Variants in CCL23 observed in about 807,000 individuals in gnomAD.
The protein encoded by CCL23 is C-C motif chemokine ligand 23, also known as C-C motif chemokine 23.
Under a neutral mutation model 11.8 loss-of-function variants are expected in CCL23, and 10 were observed. The observed-to-expected ratio is 0.84, with a 90% confidence interval of 0.52 to 1.43. CCL23 has a LOEUF of 1.43. Ranked by LOEUF, CCL23 falls within the 40% of genes most tolerant of loss-of-function variation. CCL23 has a pLI of 0.00. For synonymous variants in CCL23, 60 were observed against 61.0 expected (o/e 0.98, Z 0.07); for missense variants, 181 against 170.9 (o/e 1.06, Z -0.33).
At chr17:36,017,620 T>A (rs182128248) in intron 1 of CCL23, among the ~76,000 whole-genome samples, 1 of 152,224 alleles carries the variant, frequency 6.6e-6, no homozygotes, top group African/African-American at 2.4e-5. Flanking sequence ...TGGCCCCACA[T>A]TGGACCAGCC....
intron 3 of CCL23, 113 bp from the exon 4 acceptor site, chr17:36,013,421 T>C: frequency 1.5e-6 from 1 of 681,460 alleles, no homozygotes; most frequent in Non-Finnish European, 2.5e-6. Context: ...CCAGTTTTTT[T>C]TTCTTTTTTT....
chr17:36,013,631 C>T, intron 3 of CCL23, 113 bp downstream of exon 3: 1 of 1,014,336 alleles, frequency 9.9e-7, no homozygotes, highest in East Asian at 2.4e-5. Context: ...CTGCCCCATA[C>T]CTGGCAGGAT....
Position 36,014,331 on chromosome 17 carries a change from T to TA in CCL23, c.136+2dup, listed in dbSNP as rs2090081657. 1.2e-6 allele frequency: 2 copies of TA among 1,604,446 alleles called. No individual in the cohort carries two copies. Among genetic ancestry groups the TA allele is most frequent in the Non-Finnish European group, 1.7e-6 (2 of 1,171,060 alleles). ...TAAATATATGCCGTATCTGATCACTTACTGTCCAGAAGTACTGGATTTTCC... is the reference window on the plus strand; with the variant it reads ...TAAATATATGCCGTATCTGATCACTTAACTGTCCAGAAGTACTGGATTTTCC... On this transcript the variant is annotated splice_region_variant and intron_variant, in intron 2 of 3. Coordinates refer to ENST00000615050, the MANE Select transcript of CCL23 (RefSeq NM_005064.6).
At chr17:36,016,414 A>G (rs926764048) in intron 1 of CCL23, among the ~76,000 whole-genome samples, 1 of 152,120 alleles carries the variant, frequency 6.6e-6, no homozygotes, top group Non-Finnish European at 1.5e-5. Flanking sequence ...ACGAGTGAGA[A>G]CATGTGGTGT....
intron 1 of CCL23, among the ~76,000 whole-genome samples, chr17:36,017,383 G>A (rs1435535413): frequency 2.0e-5 from 3 of 152,098 alleles, no homozygotes; most frequent in African/African-American, 7.2e-5. Context: ...AAAATACGAT[G>A]GTTAGGTGAC....
chr17:36,013,148 G>T lies in CCL23; in HGVS notation c.*49C>A. The T allele has an allele frequency of 9.3e-7, 1 of 1,070,094 alleles. No homozygotes were observed. The highest frequency in any genetic ancestry group is 1.5e-6 in the Non-Finnish European group (1 of 683,090). 66.3% of individuals were successfully genotyped at this position (1,070,094 alleles called of 1,614,324 possible). A position where few individuals can be genotyped will look rare whatever the true frequency, so the allele number is the denominator to read the frequency against. On this transcript the variant is annotated 3_prime_UTR_variant, in exon 4 of 4. Coordinates refer to ENST00000615050, the MANE Select transcript of CCL23 (RefSeq NM_005064.6). ...AAAAATAATTCAGGAAGGTAGTTGAGGCAAGAAAGTTGGTGGCTGGCAACT... is the reference window on the plus strand; with the variant it reads ...AAAAATAATTCAGGAAGGTAGTTGATGCAAGAAAGTTGGTGGCTGGCAACT...
At chr17:36,017,245 A>G (rs2090104612) in intron 1 of CCL23, among the ~76,000 whole-genome samples, 1 of 152,158 alleles carries the variant, frequency 6.6e-6, no homozygotes, top group Non-Finnish European at 1.5e-5. Flanking sequence ...AAAAATTTGC[A>G]TTTTTTAAAA....
At position 36,017,881 on chromosome 17, in the gene CCL23, GCCA is replaced by G; in HGVS notation, c.14_16del (p.Val5del). ...AACAAGCATGAGGCAGGAGAGGGCA[GCCA>G]CGGAGACCTTCATCCTCCTGGTGGG... On this transcript the variant is annotated inframe_deletion, in exon 1 of 4. Transcript: ENST00000615050. The G allele has an allele frequency of 1.2e-6, 2 of 1,613,958 alleles. No individual in the cohort carries two copies. The highest frequency in any genetic ancestry group is 1.7e-6 in the Non-Finnish European group (2 of 1,180,006).
chr17:36,013,464 T>C (rs371389585), intron 3 of CCL23, among the ~76,000 whole-genome samples, 156 bp from the exon 4 acceptor site: 4 of 152,074 alleles, frequency 2.6e-5, no homozygotes, highest in African/African-American at 7.2e-5. Flanking sequence ...CTCAGGGCCA[T>C]TGTGCTCTTG....
At chr17:36,016,010 C>T (rs529948637) in intron 1 of CCL23, among the ~76,000 whole-genome samples, 1 of 151,886 alleles carries the variant, frequency 6.6e-6, no homozygotes, top group East Asian at 1.9e-4. Context: ...TGCCACTGTA[C>T]TCCAGCCTGG....
At chr17:36,015,874 T>TA (rs200601937) in intron 1 of CCL23, among the ~76,000 whole-genome samples, 382 of 143,632 alleles carry the variant, frequency 2.7e-3, no homozygotes, top group Middle Eastern at 0.014. Flanking sequence ...CCGTCTCTAC[T>TA]AAAAAAAAAA....
chr17:36,014,175 G>C (rs1408380439), intron 2 of CCL23, among the ~76,000 whole-genome samples, 159 bp downstream of exon 2: 1 of 142,216 alleles, frequency 7.0e-6, no homozygotes, highest in African/African-American at 2.9e-5. Context: ...CATCTATGGA[G>C]GGGGTTCCCA....
At chr17:36,014,451 A>G in intron 1 of CCL23, 58 bp from the exon 2 acceptor site, 1 of 1,339,806 alleles carries the variant, frequency 7.5e-7, no homozygotes, top group Non-Finnish European at 1.1e-6. Flanking sequence ...TTGTTTCAGC[A>G]TCTCCACCCA....
chr17:36,013,754 G>C lies in CCL23; in HGVS notation c.292C>G (p.Pro98Ala). ...YFETNSECSK[P>A]GVIFLTKKGR... is the part of the protein sequence containing the mutation. ...GAGCTTGGCACCTACATGACACCCG[G>C]CTTGGAGCACTCGCTGTTCGTTTCA... The change falls in exon 3 of 4, where the codon CCG (proline) becomes GCG (alanine). Residue 98 changes from proline to alanine, a missense_variant. By Grantham distance (27) the Pro-to-Ala change is conservative. Transcript: ENST00000615050. 1.2e-6 allele frequency: 2 copies of C among 1,614,120 alleles called. No individual in the cohort carries two copies. Among genetic ancestry groups the C allele is most frequent in the Non-Finnish European group, 1.7e-6 (2 of 1,180,000 alleles).
intron 1 of CCL23, among the ~76,000 whole-genome samples, chr17:36,015,408 G>A (rs148818643): frequency 2.6e-3 from 390 of 152,162 alleles, no homozygotes; most frequent in African/African-American, 9.1e-3. Context: ...CTTTTGATGG[G>A]CACTTAGTTT....
intron 1 of CCL23, among the ~76,000 whole-genome samples, chr17:36,016,727 T>C (rs1373961709): frequency 6.7e-6 from 1 of 149,370 alleles, no homozygotes; most frequent in Non-Finnish European, 1.5e-5. Context: ...CTATATTAAA[T>C]ATCTTTTAAT....
At position 36,013,864 on chromosome 17, in the gene CCL23, G is replaced by A; in HGVS notation, c.182C>T (p.Ala61Val). 6.2e-7 allele frequency: 1 copy of A among 1,614,158 alleles called. No individual in the cohort carries two copies. The highest frequency in any genetic ancestry group is 8.5e-7 in the Non-Finnish European group (1 of 1,179,974). The stretch of plus-strand genomic sequence containing the variant: ...AGCACTAGTAGCATGGAATCCTGCA[G>A]CATGAGAAAGGGTCATCTGAGGACC... ...KIGPQMTLSH[A>V]AGFHATSADC... Residue 61 changes from alanine to valine, a missense_variant, in exon 3 of 4, where the codon GCT becomes GTT. Ala to Val is a moderately conservative substitution (Grantham distance 64, BLOSUM62 0). Transcript: ENST00000615050.
intron 3 of CCL23, 23 bp downstream of exon 3, chr17:36,013,721 T>A (rs781223375): frequency 1.2e-6 from 2 of 1,613,038 alleles, no homozygotes; most frequent in Non-Finnish European, 1.7e-6. Context: ...CCTCAACACA[T>A]GTTTGGTGAG....
At position 36,014,357 on chromosome 17, in the gene CCL23, A is replaced by G. The variant is rs778566548; in HGVS notation, c.113T>C (p.Leu38Ser). 1 of 1,613,624 alleles carries G rather than the reference A, an allele frequency of 6.2e-7. No individual in the cohort carries two copies. The highest frequency in any genetic ancestry group is 1.1e-5 in the South Asian group (1 of 91,082). Residue 38 changes from leucine (L) to serine (S), a missense_variant, in exon 2 of 4, where the codon TTG becomes TCG. By Grantham distance (145) the Leu-to-Ser change is moderately radical. Coordinates refer to ENST00000615050, the MANE Select transcript of CCL23 (RefSeq NM_005064.6). ...ACTGTCCAGAAGTACTGGATTTTCC[A>G]ATGGAAGCTTTGACATCATGAACTC... ...ETEFMMSKLP[L>S]ENPVLLDMLW...
Sources: gnomAD v4.1 joint callset for allele counts (sites outside exome capture counted in the v4.1 genomes callset) on GRCh38, gnomAD v4.1.1 for gene constraint, MANE v1.5 for transcripts, NCBI Gene and HGNC (gene_info 2026-07-23, HGNC 2026-07-21) for gene names.